SLC9A9: variants seen among roughly 807,000 people sequenced by gnomAD.
SLC9A9 encodes the protein sodium/hydrogen exchanger 9.
A neutral mutation model predicts 77.8 loss-of-function variants in SLC9A9; 62 were observed. The ratio of observed to expected loss-of-function variants is 0.80; its 90% CI spans 0.65 to 0.98. The LOEUF (loss-of-function observed/expected upper bound fraction) is 0.98. Ranked by LOEUF, SLC9A9 falls within the 50% of genes least tolerant of loss-of-function variation. The pLI is 0.00. For missense variants in SLC9A9, 775 were observed against 774.9 expected, an observed-to-expected ratio of 1.00 and a Z score of 0.00; for synonymous variants, 320 against 283.5, an observed-to-expected ratio of 1.13 and a Z score of -1.29.
At chr3:143,399,490 T>G (rs1176216497) in intron 12 of SLC9A9, among the ~76,000 whole-genome samples, 4 of 152,008 alleles carry the variant, frequency 2.6e-5, no homozygotes, top group Admixed American at 6.6e-5. Context: ...ATCAGGAAAG[T>G]GAAAGAAAAT....
At chr3:143,518,325 C>G (rs371773265) in intron 9 of SLC9A9, 29 of 701,112 alleles carry the variant, frequency 4.1e-5, no homozygotes, top group South Asian at 2.5e-4. Flanking sequence ...TGTTTAACTA[C>G]TTTCTTTAGA....
At chr3:143,799,351 C>T (rs936777752) in intron 2 of SLC9A9, among the ~76,000 whole-genome samples, 5 of 152,196 alleles carry the variant, frequency 3.3e-5, no homozygotes, top group Non-Finnish European at 7.3e-5. Flanking sequence ...AGCTCTCACA[C>T]CCCACAACAG....
chr3:143,375,489 T>C (rs1264456051), intron 13 of SLC9A9, among the ~76,000 whole-genome samples: 3 of 152,240 alleles, frequency 2.0e-5, no homozygotes, highest in African/African-American at 7.2e-5. Context: ...TTTGCTTACA[T>C]TCTTGCCCTC....
At chr3:143,289,545 C>T (rs531928788) in intron 14 of SLC9A9, among the ~76,000 whole-genome samples, 11 of 152,092 alleles carry the variant, frequency 7.2e-5, no homozygotes, top group Non-Finnish European at 1.3e-4. Context: ...ATGTCATCAT[C>T]CACTTTCATG....
chr3:143,843,330 G>A lies in SLC9A9; in HGVS notation c.175+4818C>T, dbSNP rs148505005. Among the ~76,000 whole-genome samples the A allele has an allele frequency of 9.4e-3, 1,429 of 152,238 alleles. 22 individuals carry two copies. The highest frequency in any genetic ancestry group is 0.032 in the African/African-American group (1,324 of 41,534). ...CAGGGAGTGCTAGGAAGAAATTAAT[G>A]CCTGCAGAAGATTTTTCAGAAAAGA... is the stretch of plus-strand genomic sequence containing the variant. On this transcript the variant is annotated intron_variant, in intron 1 of 15. Coordinates refer to ENST00000316549, the MANE Select transcript of SLC9A9 (RefSeq NM_173653.4).
intron 11 of SLC9A9, among the ~76,000 whole-genome samples, chr3:143,483,624 A>G (rs1051889853): frequency 6.6e-6 from 1 of 152,182 alleles, no homozygotes; most frequent in African/African-American, 2.4e-5. Context: ...ACACACTGGT[A>G]GGGCTCCTCT....
chr3:143,767,446 CTGTT>C (rs972594735), intron 4 of SLC9A9, among the ~76,000 whole-genome samples: 7 of 150,332 alleles, frequency 4.7e-5, no homozygotes, highest in African/African-American at 1.7e-4. Flanking sequence ...GCCACATTAA[CTGTT>C]TGTTTGTTTG....
At chr3:143,563,690 G>A (rs147071515) in intron 8 of SLC9A9, among the ~76,000 whole-genome samples, 1 of 151,862 alleles carries the variant, frequency 6.6e-6, no homozygotes, top group East Asian at 1.9e-4. Context: ...TACCCTTGTG[G>A]GCAAAAAAAT....
Position 143,703,671 on chromosome 3 carries a change from A to G in SLC9A9, c.534-10364T>C, listed in dbSNP as rs186309614. ...TATCTTAACGAACCAGAAAAGAAAG[A>G]GCGAACCAAACCCAAAGTTAGTGGA... On this transcript the variant is annotated intron_variant, in intron 4 of 15. Transcript: ENST00000316549. 3.3e-3 allele frequency among the ~76,000 whole-genome samples: 507 copies of G among 152,226 alleles called. 3 individuals are homozygous for G. Among genetic ancestry groups the G allele is most frequent in the Middle Eastern group, 0.014 (4 of 294 alleles).
chr3:143,767,437 C>T (rs1438808166), intron 4 of SLC9A9, among the ~76,000 whole-genome samples: 5 of 149,294 alleles, frequency 3.3e-5, no homozygotes, highest in African/African-American at 1.3e-4. Context: ...ACTTCAAGGG[C>T]CACATTAACT....
At chr3:143,807,507 T>C (rs1452249206) in intron 2 of SLC9A9, among the ~76,000 whole-genome samples, 1 of 152,164 alleles carries the variant, frequency 6.6e-6, no homozygotes, top group Non-Finnish European at 1.5e-5. Context: ...CCTTCTATTA[T>C]ATAAATTACT....
intron 12 of SLC9A9, among the ~76,000 whole-genome samples, chr3:143,453,104 A>G (rs1330985724): frequency 6.6e-6 from 1 of 152,040 alleles, no homozygotes; most frequent in Non-Finnish European, 1.5e-5. Context: ...TTATTTTACT[A>G]TTAGGTTGAA....
chr3:143,297,097 A>G (rs2030305241), intron 14 of SLC9A9, among the ~76,000 whole-genome samples: 1 of 152,204 alleles, frequency 6.6e-6, no homozygotes, highest in African/African-American at 2.4e-5. Context: ...ATCACTCTCT[A>G]AACAAATGTC....
At chr3:143,775,036 C>A (rs529819915) in intron 4 of SLC9A9, among the ~76,000 whole-genome samples, 84 of 152,282 alleles carry the variant, frequency 5.5e-4, no homozygotes, top group African/African-American at 2.0e-3. Flanking sequence ...TAATGGACTC[C>A]AGGTCTCAAG....
intron 1 of SLC9A9, among the ~76,000 whole-genome samples, chr3:143,837,999 A>G (rs905744969): frequency 1.3e-5 from 2 of 152,194 alleles, no homozygotes; most frequent in Non-Finnish European, 2.9e-5. Flanking sequence ...TGAATCAAAT[A>G]GAGTTGAAGA....
chr3:143,439,104 G>A (rs2034677889), intron 12 of SLC9A9, among the ~76,000 whole-genome samples: 1 of 152,190 alleles, frequency 6.6e-6, no homozygotes, highest in South Asian at 2.1e-4. Context: ...AGCTTACTAA[G>A]AGTGACAGCC....
At position 143,684,600 on chromosome 3, in the gene SLC9A9, A is replaced by G. The variant is rs1933201530; in HGVS notation, c.649+8592T>C. Among the ~76,000 whole-genome samples the G allele has an allele frequency of 2.0e-5, 3 of 152,168 alleles. No homozygotes were observed. The South Asian group carries it at 6.2e-4, about 32-fold the overall frequency. On this transcript the variant is annotated intron_variant, in intron 5 of 15. Transcript: ENST00000316549. ...AGAAAACAGTAATGGGTGTTTCAAA[A>G]ACAATGCTGAGATTGTCAGGCTTAA...
intron 12 of SLC9A9, among the ~76,000 whole-genome samples, chr3:143,407,278 C>A (rs1235950302): frequency 6.6e-6 from 1 of 152,050 alleles, no homozygotes; most frequent in African/African-American, 2.4e-5. Context: ...AATTATTAGA[C>A]AATATGAGAA....
intron 2 of SLC9A9, among the ~76,000 whole-genome samples, chr3:143,806,099 G>A (rs1337497701): frequency 7.9e-5 from 2 of 25,202 alleles, no homozygotes; most frequent in African/African-American, 1.6e-4. Context: ...CCTACCCCCC[G>A]TCCCCCACCC....
Sources: allele counts gnomAD v4.1 joint callset (sites outside exome capture counted in the v4.1 genomes callset), GRCh38; gene constraint gnomAD v4.1.1; transcripts MANE v1.5; gene names NCBI Gene and HGNC (gene_info 2026-07-23, HGNC 2026-07-21).